RIT2: variants seen among roughly 807,000 people sequenced by gnomAD.
RIT2 encodes GTP-binding protein Rit2.
Under a neutral mutation model 23.7 loss-of-function variants are expected in RIT2, and 24 were observed. The observed-to-expected ratio is 1.01, with a 90% CI of 0.73 to 1.43. The LOEUF is 1.43. RIT2 is among the 40% of genes most tolerant of loss of function. The pLI, the probability that RIT2 is intolerant of heterozygous loss-of-function variation, is 0.00. For missense variants in RIT2, 236 were observed against 266.9 expected (o/e 0.88, Z 0.81); for synonymous variants, 107 against 91.1 (o/e 1.17, Z -0.99).
chr18:42,848,531 T>C (rs909231550), intron 4 of RIT2, among the ~76,000 whole-genome samples: 3 of 152,210 alleles, frequency 2.0e-5, no homozygotes, highest in Non-Finnish European at 4.4e-5. Flanking sequence ...TCTGCAGGAT[T>C]GTATATGTAT....
intron 1 of RIT2, among the ~76,000 whole-genome samples, chr18:43,048,737 T>C (rs1912309609): frequency 6.6e-6 from 1 of 152,194 alleles, no homozygotes; most frequent in Admixed American, 6.5e-5. Flanking sequence ...CTAGCTAAAA[T>C]ATGATGTTTT....
intron 4 of RIT2, among the ~76,000 whole-genome samples, chr18:42,798,159 TGTG>T (rs1905427823): frequency 6.6e-6 from 1 of 152,234 alleles, no homozygotes; most frequent in African/African-American, 2.4e-5. Flanking sequence ...GCGTTGAGAT[TGTG>T]GTGTTTTGTC....
intron 4 of RIT2, among the ~76,000 whole-genome samples, chr18:42,797,410 C>T (rs1905399738): frequency 6.6e-6 from 1 of 151,656 alleles, no homozygotes; most frequent in South Asian, 2.1e-4. Context: ...AATTTTATCT[C>T]TTTCTATCTT....
chr18:42,863,487 C>A (rs1052977176), intron 4 of RIT2, among the ~76,000 whole-genome samples: 2 of 152,130 alleles, frequency 1.3e-5, no homozygotes, highest in African/African-American at 4.8e-5. Context: ...GAAGAAAATT[C>A]TCCCACTACA....
intron 4 of RIT2, among the ~76,000 whole-genome samples, chr18:42,762,523 G>T (rs1913325879): frequency 6.6e-6 from 1 of 152,138 alleles, no homozygotes; most frequent in Non-Finnish European, 1.5e-5. Context: ...GATATTAAAG[G>T]TTTTTTAAAC....
At chr18:42,757,452 C>A (rs936703981) in intron 4 of RIT2, among the ~76,000 whole-genome samples, 1 of 152,128 alleles carries the variant, frequency 6.6e-6, no homozygotes, top group Non-Finnish European at 1.5e-5. Flanking sequence ...AGCTCACAAT[C>A]AACCTATATA....
At chr18:42,832,680 T>G (rs906286694) in intron 4 of RIT2, among the ~76,000 whole-genome samples, 1 of 152,168 alleles carries the variant, frequency 6.6e-6, no homozygotes, top group Non-Finnish European at 1.5e-5. Flanking sequence ...CATTTCAAAT[T>G]TTCTCTTCTA....
chr18:43,085,164 C>CA (rs199874274), intron 1 of RIT2, among the ~76,000 whole-genome samples: 1 of 150,398 alleles, frequency 6.6e-6, no homozygotes, highest in Admixed American at 6.6e-5. Flanking sequence ...ATAGCATTAA[C>CA]AAAAAAAGAA....
At chr18:42,972,712 CA>C (rs1407450920) in intron 3 of RIT2, among the ~76,000 whole-genome samples, 1 of 151,766 alleles carries the variant, frequency 6.6e-6, no homozygotes, top group Non-Finnish European at 1.5e-5. Flanking sequence ...AAGCCACAAC[CA>C]AAAATTCTAT....
rs144590968 is a variant in RIT2 at position 42,762,058 on chromosome 18, G to T, written c.427-18338C>A. On this transcript the variant is annotated intron_variant, in intron 4 of 4. Transcript: ENST00000326695. ...CTGCCAGAAATAAGTTTATTTACATGTGAGAGAATTCCAGGCCATTTGTAT... is the reference window on the plus strand; with the variant it reads ...CTGCCAGAAATAAGTTTATTTACATTTGAGAGAATTCCAGGCCATTTGTAT... 2.4e-4 allele frequency among the ~76,000 whole-genome samples: 37 copies of T among 152,304 alleles called. 1 individual carries two copies. In the East Asian group the frequency reaches 6.6e-3, roughly 27 times the overall value.
chr18:42,950,429 C>G (rs538362708), intron 3 of RIT2, among the ~76,000 whole-genome samples: 1 of 151,986 alleles, frequency 6.6e-6, no homozygotes, highest in Non-Finnish European at 1.5e-5. Context: ...AGACCTCAAA[C>G]TATAAGAATC....
chr18:42,801,121 A>G (rs1316889485), intron 4 of RIT2, among the ~76,000 whole-genome samples: 4 of 152,202 alleles, frequency 2.6e-5, no homozygotes, highest in African/African-American at 9.7e-5. Context: ...AGTGTTGATA[A>G]TGATGAAGTG....
At position 43,016,553 on chromosome 18, in the gene RIT2, C is replaced by T. The variant is rs77154020; in HGVS notation, c.160+17258G>A. Among the ~76,000 whole-genome samples the T allele has an allele frequency of 5.9e-3, 890 of 151,648 alleles. 12 individuals are homozygous for T. Among genetic ancestry groups the T allele is most frequent in the African/African-American group, 0.02 (846 of 41,424 alleles). On this transcript the variant is annotated intron_variant, in intron 2 of 4. Transcript: ENST00000326695. ...CATACTAAAACATTATAAAATAAGACGTTTTATCCCCCCACCCTCTGCCCC... is the reference window on the plus strand; with the variant it reads ...CATACTAAAACATTATAAAATAAGATGTTTTATCCCCCCACCCTCTGCCCC...
chr18:42,998,203 G>A lies in RIT2; in HGVS notation c.161-24056C>T, dbSNP rs540217983. Among the ~76,000 whole-genome samples, 12 of 152,166 alleles carry A rather than the reference G, an allele frequency of 7.9e-5. No homozygotes were observed. The South Asian group carries it at 2.5e-3, about 32-fold the overall frequency. ...CTTCCACCTCTCTATTATGCAAAGT[G>A]CTGCCCAGTAGCTTTAAGAACCACC... On this transcript the variant is annotated intron_variant, in intron 2 of 4. Transcript: ENST00000326695.
At chr18:42,845,408 T>C (rs985203785) in intron 4 of RIT2, among the ~76,000 whole-genome samples, 3 of 150,596 alleles carry the variant, frequency 2.0e-5, no homozygotes, top group Non-Finnish European at 4.4e-5. Flanking sequence ...TATGTATAAA[T>C]TTTCTATATA....
At chr18:42,810,543 C>A (rs1291905597) in intron 4 of RIT2, among the ~76,000 whole-genome samples, 1 of 151,788 alleles carries the variant, frequency 6.6e-6, no homozygotes, top group East Asian at 1.9e-4. Flanking sequence ...ACCATTAGGT[C>A]ATCTGTATTC....
intron 1 of RIT2, among the ~76,000 whole-genome samples, chr18:43,045,025 T>C (rs1415858205): frequency 6.6e-6 from 1 of 152,208 alleles, no homozygotes; most frequent in Non-Finnish European, 1.5e-5. Flanking sequence ...ACAGTTTATT[T>C]TGAACTTAAA....
chr18:42,979,125 C>T (rs367982846), intron 2 of RIT2, among the ~76,000 whole-genome samples: 101 of 152,028 alleles, frequency 6.6e-4, no homozygotes, highest in African/African-American at 2.2e-3. Context: ...GATATGTTTG[C>T]AATAATAACT....
intron 1 of RIT2, among the ~76,000 whole-genome samples, chr18:43,095,893 A>G (rs923125747): frequency 6.6e-6 from 1 of 151,998 alleles, no homozygotes; most frequent in African/African-American, 2.4e-5. Context: ...TGGGGAATAT[A>G]AAGTCAAGAG....
Sources: allele counts gnomAD v4.1 joint callset (sites outside exome capture counted in the v4.1 genomes callset), GRCh38; gene constraint gnomAD v4.1.1; transcripts MANE v1.5; gene names NCBI Gene and HGNC (gene_info 2026-07-23, HGNC 2026-07-21).